Variants in DIP2C observed in about 807,000 individuals in gnomAD.
DIP2C encodes DIP2 acetate--CoA ligase C (putative), also known as disco-interacting protein 2 homolog C.
DIP2C carries 33 observed loss-of-function variants against 192.4 expected under a neutral mutation model. That is an observed-to-expected ratio of 0.17 (90% CI 0.13 to 0.23). The LOEUF is 0.23. DIP2C is among the 10% of genes least tolerant of loss of function. DIP2C has a pLI of 1.00. For missense variants in DIP2C, 1,537 were observed against 2,110.1 expected (o/e 0.73, Z 5.32); for synonymous variants, 979 against 864.1 (o/e 1.13, Z -2.33).
At chr10:525,187 C>CT (rs1846978716) in intron 1 of DIP2C, among the ~76,000 whole-genome samples, 1 of 152,256 alleles carries the variant, frequency 6.6e-6, no homozygotes, top group East Asian at 1.9e-4. Flanking sequence ...TTTAAATGTA[C>CT]TTAATTTTAT....
At chr10:552,517 G>T (rs926036941) in intron 1 of DIP2C, among the ~76,000 whole-genome samples, 4 of 152,196 alleles carry the variant, frequency 2.6e-5, no homozygotes, top group Non-Finnish European at 5.9e-5. Context: ...AAGTAATTCT[G>T]TTCAGTCTAT....
chr10:578,494 C>T (rs1351125620), intron 1 of DIP2C, among the ~76,000 whole-genome samples: 1 of 152,208 alleles, frequency 6.6e-6, no homozygotes, highest in African/African-American at 2.4e-5. Context: ...ACACACCTCA[C>T]AGAGCTGTTT....
chr10:553,663 G>A (rs1564843063), intron 1 of DIP2C, among the ~76,000 whole-genome samples: 1 of 152,146 alleles, frequency 6.6e-6, no homozygotes, highest in African/African-American at 2.4e-5. Flanking sequence ...TAGAAGAAAA[G>A]GTATATAGCT....
intron 11 of DIP2C, 46 bp downstream of exon 11, chr10:390,694 G>A: frequency 6.3e-7 from 1 of 1,590,436 alleles, no homozygotes; most frequent in Non-Finnish European, 8.6e-7. Flanking sequence ...CCCGTCTTCT[G>A]ACAAAGGACG....
intron 1 of DIP2C, among the ~76,000 whole-genome samples, chr10:591,321 C>T (rs1254859324): frequency 1.3e-5 from 2 of 152,094 alleles, no homozygotes; most frequent in African/African-American, 4.8e-5. Context: ...GACAGGGTTT[C>T]ACCATGTTGG....
At chr10:492,091 G>A in intron 1 of DIP2C, among the ~76,000 whole-genome samples, 1 of 152,218 alleles carries the variant, frequency 6.6e-6, no homozygotes, top group South Asian at 2.1e-4. Context: ...TTGTTGCTCT[G>A]CTCTGATGTC....
chr10:561,614 C>A (rs1467320649), intron 1 of DIP2C, among the ~76,000 whole-genome samples: 1 of 152,174 alleles, frequency 6.6e-6, no homozygotes, highest in Non-Finnish European at 1.5e-5. Flanking sequence ...AACGCACTGT[C>A]TCCAAGGCCC....
chr10:647,520 C>T (rs1259192643), intron 1 of DIP2C, among the ~76,000 whole-genome samples: 1 of 146,978 alleles, frequency 6.8e-6, no homozygotes, highest in Middle Eastern at 3.6e-3. Flanking sequence ...AAACTGAGTC[C>T]ACGTCCACAT....
intron 1 of DIP2C, among the ~76,000 whole-genome samples, chr10:675,323 C>G (rs1364684387): frequency 1.3e-5 from 2 of 151,486 alleles, no homozygotes; most frequent in African/African-American, 4.9e-5. Context: ...GCAATAAACT[C>G]CTACATTAAA....
At chr10:415,610 G>T (rs1226529982) in intron 7 of DIP2C, among the ~76,000 whole-genome samples, 159 bp downstream of exon 7, 1 of 152,170 alleles carries the variant, frequency 6.6e-6, no homozygotes, top group Non-Finnish European at 1.5e-5. Context: ...CACCAAGGCT[G>T]CCTGGGAACA....
At chr10:451,754 T>C (rs1968865179) in intron 3 of DIP2C, among the ~76,000 whole-genome samples, 1 of 152,146 alleles carries the variant, frequency 6.6e-6, no homozygotes, top group African/African-American at 2.4e-5. Context: ...ATATAGTGCT[T>C]GATGGAATGA....
chr10:418,085 C>G (rs79172889), intron 6 of DIP2C, among the ~76,000 whole-genome samples: 42 of 2,200 alleles, frequency 0.019, 8 homozygotes, highest in East Asian at 0.033. Context: ...ACCTGTCAGG[C>G]CTCAGATAGG....
At position 536,346 on chromosome 10, in the gene DIP2C, C is replaced by G. The variant is rs549379971; in HGVS notation, c.86-49816G>C. Reference sequence around the variant, plus strand: ...CTCCTGAGAGCATGGTATCTATCTGCAAAGACCCTGTTCCCCATAGGGACA... The same window carrying G: ...CTCCTGAGAGCATGGTATCTATCTGGAAAGACCCTGTTCCCCATAGGGACA... On this transcript the variant is annotated intron_variant, in intron 1 of 36. Transcript: ENST00000280886. 2.6e-5 allele frequency among the ~76,000 whole-genome samples: 4 copies of G among 151,324 alleles called. No homozygotes were observed. The South Asian group carries it at 8.3e-4, about 31-fold the overall frequency.
At chr10:360,661 T>C (rs1441450766) in intron 22 of DIP2C, among the ~76,000 whole-genome samples, 4 of 152,216 alleles carry the variant, frequency 2.6e-5, no homozygotes, top group Non-Finnish European at 4.4e-5. Flanking sequence ...CAGGGACCTT[T>C]AAAGCTGTGG....
At position 636,528 on chromosome 10, in the gene DIP2C, T is replaced by A. The variant is rs1854855080; in HGVS notation, c.85+52966A>T. 6.6e-6 allele frequency among the ~76,000 whole-genome samples: 1 copy of A among 152,078 alleles called. No individual in the cohort carries two copies. The highest frequency in any genetic ancestry group is 2.4e-5 in the African/African-American group (1 of 41,404). On this transcript the variant is annotated intron_variant, in intron 1 of 36. Coordinates refer to ENST00000280886, the MANE Select transcript of DIP2C (RefSeq NM_014974.3). The surrounding 1 kb of genome is among the most constrained non-coding windows in gnomAD (Gnocchi z 4.6). ...TCCTCACGCACGCGTTCCCTAAGAA[T>A]AAAGGACCCTCTGCAGCCGCAGAAC...
intron 3 of DIP2C, among the ~76,000 whole-genome samples, chr10:452,013 C>T (rs1664857940): frequency 6.6e-6 from 1 of 152,098 alleles, no homozygotes; most frequent in South Asian, 2.1e-4. Flanking sequence ...AGGAGACCAG[C>T]ACACCCAGCT....
Position 387,908 on chromosome 10 carries a change from A to C in DIP2C, c.1598-99T>G. On this transcript the variant is annotated intron_variant, in intron 13 of 36. Coordinates refer to ENST00000280886, the MANE Select transcript of DIP2C (RefSeq NM_014974.3). The stretch of plus-strand genomic sequence containing the variant: ...AATATTGCATCAGGGGAAATAACAG[A>C]TCTTGGGAAAATATCATTTTGCCGT... 3 of 1,300,196 alleles carry C rather than the reference A, an allele frequency of 2.3e-6. No homozygotes were observed. In the East Asian group the frequency reaches 7.0e-5, roughly 30 times the overall value. The allele number at this position is 1,300,196 out of a possible 1,614,324, so 80.5% of individuals were successfully genotyped here. A position where few individuals can be genotyped will look rare whatever the true frequency, so the allele number is the denominator to read the frequency against.
rs1299465969 is a variant in DIP2C, at chr10:347,433, C to T, written c.3231+1208G>A. On this transcript the variant is annotated intron_variant, in intron 26 of 36. Coordinates refer to ENST00000280886, the MANE Select transcript of DIP2C (RefSeq NM_014974.3). ...ACATCGCGCATAGTTCTCCCGGAAA[C>T]GTCACACGCACCCAGACACATCGCG... 4.8e-3 allele frequency among the ~76,000 whole-genome samples: 700 copies of T among 146,110 alleles called. 2 individuals are homozygous for T. The highest frequency in any genetic ancestry group is 0.018 in the African/African-American group (658 of 37,054).
At chr10:542,183 T>TC (rs1005288934) in intron 1 of DIP2C, among the ~76,000 whole-genome samples, 51 of 152,264 alleles carry the variant, frequency 3.3e-4, no homozygotes, top group Non-Finnish European at 6.5e-4. Context: ...GACGGCTCAC[T>TC]CCCTCCTGAG....
Sources: gnomAD v4.1 joint callset for allele counts (sites outside exome capture counted in the v4.1 genomes callset) on GRCh38, gnomAD v4.1.1 for gene constraint, Gnocchi (gnomAD v3.1) non-coding constraint, MANE v1.5 for transcripts, NCBI Gene and HGNC (gene_info 2026-07-23, HGNC 2026-07-21) for gene names.